SPNS2: variants seen among roughly 807,000 people sequenced by gnomAD.
SPNS2 encodes the protein SPNS lysolipid transporter 2, sphingosine-1-phosphate.
In SPNS2, 37 loss-of-function variants were observed where a neutral mutation model predicts 57.6. That is an observed-to-expected ratio of 0.64 (90% CI 0.49 to 0.85). The LOEUF is 0.85. SPNS2 is among the 40% of genes least tolerant of loss of function. The pLI is 0.00. For missense variants in SPNS2, 831 were observed against 779.1 expected (o/e 1.07, Z -0.79); for synonymous variants, 440 against 346.9 (o/e 1.27, Z -2.98).
Position 4,538,765 on chromosome 17 carries a change from C to T in SPNS2, c.*1317C>T, listed in dbSNP as rs1838914606. The T allele has an allele frequency of 1.4e-6, 1 of 725,584 alleles. No homozygotes were observed. The highest frequency in any genetic ancestry group is 1.5e-5 in the South Asian group (1 of 68,110). 44.9% of individuals were successfully genotyped at this position (725,584 alleles called of 1,614,324 possible). ...GTAAGCAGGTGGAATACTCACCCAC[C>T]AAGCTCTGGGGTACCCCGAGGGCCT... On this transcript the variant is annotated 3_prime_UTR_variant, in exon 13 of 13. Transcript: ENST00000329078.
chr17:4,501,468 C>T (rs760697020), intron 1 of SPNS2, among the ~76,000 whole-genome samples: 5 of 152,008 alleles, frequency 3.3e-5, no homozygotes, highest in Non-Finnish European at 7.4e-5. Flanking sequence ...CTAAGAGGGG[C>T]GTGGGGCAGT....
chr17:4,525,576 C>T (rs1193442937), intron 3 of SPNS2, among the ~76,000 whole-genome samples: 7 of 152,228 alleles, frequency 4.6e-5, no homozygotes. Flanking sequence ...CTGGTTCTTG[C>T]TCAGTTTGTG....
chr17:4,537,931 C>A lies in SPNS2; in HGVS notation c.*483C>A, dbSNP rs1235781124. The A allele has an allele frequency of 1.0e-5, 4 of 391,138 alleles. No individual in the cohort carries two copies. The highest frequency in any genetic ancestry group is 2.1e-5 in the Non-Finnish European group (4 of 191,528). The allele number at this position is 391,138 out of a possible 1,614,324, so 24.2% of individuals were successfully genotyped here. On this transcript the variant is annotated 3_prime_UTR_variant, in exon 13 of 13. Coordinates refer to ENST00000329078, the MANE Select transcript of SPNS2 (RefSeq NM_001124758.3). Reference sequence around the variant, plus strand: ...GGCCCAGGCCTCAGGGCGGCAGTCCCGGCTTTGAGGCTCACGCGAGGGCCT... The same window carrying A: ...GGCCCAGGCCTCAGGGCGGCAGTCCAGGCTTTGAGGCTCACGCGAGGGCCT...
At chr17:4,532,158 C>T (rs1905511136) in intron 5 of SPNS2, among the ~76,000 whole-genome samples, 1 of 68,164 alleles carries the variant, frequency 1.5e-5, no homozygotes, top group Admixed American at 2.0e-4. Context: ...GTCCATCCGT[C>T]TGTCCATCTG....
At position 4,507,624 on chromosome 17, in the gene SPNS2, A is replaced by G. The variant is rs1034205665; in HGVS notation, c.371-5623A>G. On this transcript the variant is annotated intron_variant, in intron 1 of 12. Coordinates refer to ENST00000329078, the MANE Select transcript of SPNS2 (RefSeq NM_001124758.3). ...GTCACACAGCAGAGAAAGTGGGAAA[A>G]CCAGGATTTAAACCCAGATGCTCCA... 2.0e-4 allele frequency among the ~76,000 whole-genome samples: 30 copies of G among 152,348 alleles called. 1 individual carries two copies. The highest frequency in any genetic ancestry group is 3.4e-3 in the Middle Eastern group (1 of 294).
intron 1 of SPNS2, among the ~76,000 whole-genome samples, chr17:4,501,956 A>G (rs1381037238): frequency 2.0e-5 from 3 of 152,254 alleles, no homozygotes; most frequent in Non-Finnish European, 4.4e-5. Context: ...ATATAATGTA[A>G]GCCACATATT....
At position 4,513,357 on chromosome 17, in the gene SPNS2, G is replaced by A. The variant is rs201678793; in HGVS notation, c.436+45G>A. On this transcript the variant is annotated intron_variant, in intron 2 of 12. Transcript: ENST00000329078. ...TTCCCCCCCACGCCCAGGCGTTGGCGTCGTGGGTCCTGTCCTGTTGGTCGT... is the reference window on the plus strand; with the variant it reads ...TTCCCCCCCACGCCCAGGCGTTGGCATCGTGGGTCCTGTCCTGTTGGTCGT... 1.4e-3 allele frequency: 2,212 copies of A among 1,604,792 alleles called. 4 individuals carry two copies. Among genetic ancestry groups the A allele is most frequent in the African/African-American group, 2.7e-3 (200 of 74,892 alleles).
At chr17:4,526,557 C>G (rs138019256) in intron 3 of SPNS2, among the ~76,000 whole-genome samples, 19 of 151,128 alleles carry the variant, frequency 1.3e-4, no homozygotes, top group African/African-American at 4.6e-4. Flanking sequence ...GAGCAGAGAT[C>G]GCACCACTGC....
At position 4,525,161 on chromosome 17, in the gene SPNS2, G is replaced by A. The variant is rs773101280; in HGVS notation, c.541G>A (p.Val181Ile). ...CTGCGGCATTTTCTTCTGGTCGGCC[G>A]TCACCTTCTCCAGCTCCTTCATTCC... ...LSCGIFFWSA[V>I]TFSSSFIPQQ... The change falls in exon 3 of 13, where the codon GTC becomes ATC. Residue 181 changes from valine (V) to isoleucine (I), a missense_variant. Around this residue, in one of 2 missense-constraint regions of SPNS2, gnomAD observed 305 missense variants for 378.3 expected, o/e 0.81. Coordinates refer to ENST00000329078, the MANE Select transcript of SPNS2 (RefSeq NM_001124758.3). 48 of 1,614,044 alleles carry A rather than the reference G, an allele frequency of 3.0e-5. No individual in the cohort carries two copies. Among genetic ancestry groups the A allele is most frequent in the South Asian group, 1.6e-4 (15 of 91,092 alleles).
At chr17:4,521,914 C>G (rs150523933) in intron 2 of SPNS2, among the ~76,000 whole-genome samples, 2 of 152,200 alleles carry the variant, frequency 1.3e-5, no homozygotes, top group Admixed American at 6.5e-5. Flanking sequence ...AATGGGCAAA[C>G]ACGGCCGGGC....
At chr17:4,532,026 G>A (rs1905499198) in intron 5 of SPNS2, among the ~76,000 whole-genome samples, 1 of 152,068 alleles carries the variant, frequency 6.6e-6, no homozygotes, top group Non-Finnish European at 1.5e-5. Context: ...CCTACGTGGG[G>A]AACCTGCTCC....
chr17:4,513,433 G>T, intron 2 of SPNS2, 121 bp downstream of exon 2: 2 of 1,053,846 alleles, frequency 1.9e-6, no homozygotes, highest in South Asian at 1.4e-5. Context: ...GAAAGAGAGT[G>T]GGCTTTGCAT....
chr17:4,535,972 T>TGAGTCTGAGGGTGTGG (rs1555538028), intron 9 of SPNS2, 104 bp from the exon 10 acceptor site: 1 of 887,066 alleles, frequency 1.1e-6, no homozygotes, highest in Non-Finnish European at 1.7e-6. Context: ...AGGGCAGGAG[T>TGAGTCTGAGGGTGTGG]GAGTCTGAGG....
At chr17:4,528,921 T>G (rs895810398) in intron 3 of SPNS2, among the ~76,000 whole-genome samples, 3 of 150,974 alleles carry the variant, frequency 2.0e-5, no homozygotes, top group Admixed American at 1.3e-4. Context: ...TGCATCATGA[T>G]CCCGCTAATT....
rs755610572 is a variant in SPNS2 at position 4,537,898 on chromosome 17, G to C, written c.*450G>C. On this transcript the variant is annotated 3_prime_UTR_variant, in exon 13 of 13. Coordinates refer to ENST00000329078, the MANE Select transcript of SPNS2 (RefSeq NM_001124758.3). ...CTCAACAGACCCTGGACCATACGGA[G>C]AGCAGGTGGCCCAGGCCTCAGGGCG... 2.4e-6 allele frequency: 1 copy of C among 421,954 alleles called. No individual in the cohort carries two copies. The highest frequency in any genetic ancestry group is 4.9e-6 in the Non-Finnish European group (1 of 205,800). The allele number at this position is 421,954 out of a possible 1,614,324, so 26.1% of individuals were successfully genotyped here. A position where few individuals can be genotyped will look rare whatever the true frequency, so the allele number is the denominator to read the frequency against.
In SPNS2 at chr17:4,532,573, C is replaced by T. The variant is rs1345062687; in HGVS notation, c.824C>T (p.Thr275Ile). 8.7e-6 allele frequency: 14 copies of T among 1,614,034 alleles called. No individual in the cohort carries two copies. The highest frequency in any genetic ancestry group is 1.7e-6 in the Non-Finnish European group (2 of 1,180,038). ...VSPVLGMITG[T>I]LILILVPATK... is the part of the protein sequence containing the mutation. ...CCTGTCCTGGGCATGATCACAGGAA[C>T]ACTCATCCTCATTCTGGTCCCAGCC... The change falls in exon 6 of 13, where the codon ACA becomes ATA. Residue 275 changes from threonine (T) to isoleucine (I), a missense_variant. This residue lies in a region of SPNS2 where 526 missense variants were observed against 400.9 expected (regional missense o/e 1.31). Transcript: ENST00000329078.
At position 4,533,321 on chromosome 17, in the gene SPNS2, C is replaced by G. The variant is rs1279627148; in HGVS notation, c.1167C>G (p.Arg389=). ...GGGCAGGAGCCACGCGCTGGTGCCG[C>G]CTGAAGACCCAGCGGGCCGACCCAC... ...VTGAGATRWC[R]LKTQRADPLV... is the part of the protein sequence containing the mutation. The change falls in exon 8 of 13, where the codon CGC becomes CGG. Residue 389 remains arginine, a synonymous_variant. Coordinates refer to ENST00000329078, the MANE Select transcript of SPNS2 (RefSeq NM_001124758.3). The G allele has an allele frequency of 1.2e-6, 2 of 1,611,964 alleles. No individual in the cohort carries two copies. The highest frequency in any genetic ancestry group is 1.7e-6 in the Non-Finnish European group (2 of 1,179,622).
chr17:4,500,386 G>A (rs776354043), intron 1 of SPNS2, among the ~76,000 whole-genome samples: 31 of 152,262 alleles, frequency 2.0e-4, no homozygotes, highest in African/African-American at 7.2e-4. Context: ...CCAGCAATTA[G>A]GGGTGGGTCT....
chr17:4,506,320 C>T (rs954015411), intron 1 of SPNS2, among the ~76,000 whole-genome samples: 2 of 152,156 alleles, frequency 1.3e-5, no homozygotes, highest in African/African-American at 2.4e-5. Flanking sequence ...TCTTCCCCAC[C>T]CTCTTCCCCA....
Sources: gnomAD v4.1 joint callset for allele counts (sites outside exome capture counted in the v4.1 genomes callset) on GRCh38, gnomAD v4.1.1 for gene constraint, gnomAD v4.1.1 regional missense constraint, MANE v1.5 for transcripts, NCBI Gene and HGNC (gene_info 2026-07-23, HGNC 2026-07-21) for gene names.